Variants in GABRR1 observed in about 807,000 individuals in gnomAD.
The protein encoded by GABRR1 is gamma-aminobutyric acid receptor subunit rho-1.
A neutral mutation model predicts 55.5 loss-of-function variants in GABRR1; 59 were observed. That is an observed-to-expected ratio of 1.06 (90% CI 0.86 to 1.32). The LOEUF (loss-of-function observed/expected upper bound fraction) is 1.32. Ranked by LOEUF, GABRR1 falls within the 40% of genes most tolerant of loss-of-function variation. The pLI is 0.00. For synonymous variants in GABRR1, 213 were observed against 226.0 expected, an observed-to-expected ratio of 0.94 and a Z score of 0.51; for missense variants, 602 against 619.1, an observed-to-expected ratio of 0.97 and a Z score of 0.29.
upstream of GABRR1, chr6:89,217,896 G>A (rs1353601430): frequency 6.6e-6 from 1 of 152,370 alleles, no homozygotes; most frequent in Non-Finnish European, 1.5e-5. Flanking sequence ...AGATTGGGAG[G>A]GCAACTGGGG....
intron 7 of GABRR1, 106 bp from the exon 8 acceptor site, chr6:89,182,163 C>G (rs2127789422): frequency 9.6e-7 from 1 of 1,043,068 alleles, no homozygotes; most frequent in East Asian, 2.4e-5. Context: ...GGACTCTTAT[C>G]ATGTCTTTAT....
chr6:89,195,250 C>G (rs1772225537), intron 5 of GABRR1, among the ~76,000 whole-genome samples: 1 of 152,078 alleles, frequency 6.6e-6, no homozygotes, highest in Non-Finnish European at 1.5e-5. Context: ...TGCCTGAACT[C>G]AGGAGTTTGA....
intron 5 of GABRR1, among the ~76,000 whole-genome samples, chr6:89,191,839 T>C (rs1772098582): frequency 1.3e-5 from 2 of 152,070 alleles, no homozygotes; most frequent in South Asian, 4.2e-4. Context: ...AGCTTCAAAG[T>C]TCATTCAAAT....
In GABRR1 at chr6:89,178,664, G is replaced by A; in HGVS notation, c.*106C>T. ...CAGAAGGGATAGTGAAAACATGGGT[G>A]GGTCCTGGGATTTTTTTTTAACCAT... On this transcript the variant is annotated 3_prime_UTR_variant, in exon 10 of 10. Transcript: ENST00000454853. 6.5e-6 allele frequency: 6 copies of A among 919,812 alleles called. No homozygotes were observed. Among genetic ancestry groups the A allele is most frequent in the Non-Finnish European group, 9.8e-6 (6 of 613,934 alleles). 57.0% of individuals were successfully genotyped at this position (919,812 alleles called of 1,614,324 possible). A position where few individuals can be genotyped will look rare whatever the true frequency, so the allele number is the denominator to read the frequency against.
At chr6:89,225,275 T>C (rs1198135651) in intron 1 of GABRR1, among the ~76,000 whole-genome samples, 4 of 146,768 alleles carry the variant, frequency 2.7e-5, no homozygotes, top group African/African-American at 9.9e-5. Flanking sequence ...TTTTTTTTTT[T>C]AATTATACTT....
chr6:89,191,448 A>AT (rs1772084476), intron 5 of GABRR1, among the ~76,000 whole-genome samples: 1 of 152,234 alleles, frequency 6.6e-6, no homozygotes, highest in Admixed American at 6.5e-5. Context: ...CTTTAGAGAC[A>AT]TAGAATGCCC....
chr6:89,202,232 C>G (rs1772498216), intron 2 of GABRR1, among the ~76,000 whole-genome samples: 1 of 152,188 alleles, frequency 6.6e-6, no homozygotes, highest in Non-Finnish European at 1.5e-5. Flanking sequence ...GACTCAGCCT[C>G]CCACTTCTGC....
chr6:89,183,942 T>C (rs1215655933), intron 7 of GABRR1, among the ~76,000 whole-genome samples: 1 of 152,112 alleles, frequency 6.6e-6, no homozygotes, highest in East Asian at 1.9e-4. Flanking sequence ...ACAGATGTAC[T>C]AAAATCCTAG....
intron 5 of GABRR1, among the ~76,000 whole-genome samples, chr6:89,192,561 CTTCTTTTTTTT>C (rs997062168): frequency 6.8e-6 from 1 of 147,796 alleles, no homozygotes; most frequent in African/African-American, 2.5e-5. Flanking sequence ...TCTTCTTCTT[CTTCTTTTTTTT>C]TTTTTTTTTT....
chr6:89,187,458 A>G (rs1771941009), intron 6 of GABRR1, among the ~76,000 whole-genome samples: 1 of 152,154 alleles, frequency 6.6e-6, no homozygotes, highest in African/African-American at 2.4e-5. Context: ...TCTGTTGATA[A>G]TGTTTTGATG....
intron 5 of GABRR1, among the ~76,000 whole-genome samples, chr6:89,196,877 AAG>A (rs549771676): frequency 6.9e-6 from 1 of 144,686 alleles, no homozygotes; most frequent in African/African-American, 2.7e-5. Context: ...GAAAGAAAGA[AAG>A]AGAAGAGAAG....
intron 3 of GABRR1, among the ~76,000 whole-genome samples, chr6:89,199,670 T>G (rs1211124669): frequency 7.2e-5 from 11 of 152,214 alleles, no homozygotes. Context: ...TCTGAAGGTA[T>G]GATGAAGACC....
intron 1 of GABRR1, among the ~76,000 whole-genome samples, chr6:89,224,530 T>A (rs1246240980): frequency 6.6e-6 from 1 of 152,218 alleles, no homozygotes; most frequent in Non-Finnish European, 1.5e-5. Context: ...AATTTTTTTC[T>A]CCTGTAATTT....
At chr6:89,230,118 T>C in intron 1 of GABRR1, among the ~76,000 whole-genome samples, 1 of 120,784 alleles carries the variant, frequency 8.3e-6, no homozygotes, top group African/African-American at 3.2e-5. Context: ...CTCCATCAGC[T>C]CCTTTAAGCA....
chr6:89,198,928 G>A (rs1201706672), intron 4 of GABRR1, among the ~76,000 whole-genome samples: 1 of 151,982 alleles, frequency 6.6e-6, no homozygotes, highest in Non-Finnish European at 1.5e-5. Flanking sequence ...TGTAAGTCAA[G>A]GAGTTGGAGA....
intron 1 of GABRR1, among the ~76,000 whole-genome samples, chr6:89,225,517 T>G (rs1773186629): frequency 7.3e-6 from 1 of 137,830 alleles, no homozygotes. Flanking sequence ...ATGCGGTGTT[T>G]GGTTTTTTGT....
At chr6:89,225,157 G>C (rs992096209) in intron 1 of GABRR1, among the ~76,000 whole-genome samples, 3 of 152,026 alleles carry the variant, frequency 2.0e-5, no homozygotes, top group Non-Finnish European at 4.4e-5. Flanking sequence ...TATATAAGGT[G>C]AGTGATGAGA....
Position 89,179,037 on chromosome 6 carries a change from C to T in GABRR1, c.1173G>A (p.Pro391=), listed in dbSNP as rs370391229. The T allele has an allele frequency of 1.9e-4, 309 of 1,613,836 alleles. 1 individual carries two copies. The highest frequency in any genetic ancestry group is 2.5e-4 in the Non-Finnish European group (291 of 1,179,964). Residue 391 remains proline (P), a synonymous_variant, in exon 10 of 10, where the codon CCG becomes CCA. Transcript: ENST00000454853. ...EKLPCTSGLP[P]PRTAMLDGNY... ...TGCCGTCCAGCATCGCAGTGCGGGGCGGAGGTAATCCGCTGGTGCAGGGAA... is the reference window on the plus strand; with the variant it reads ...TGCCGTCCAGCATCGCAGTGCGGGGTGGAGGTAATCCGCTGGTGCAGGGAA...
At chr6:89,208,300 T>C (rs1046783637) in intron 1 of GABRR1, among the ~76,000 whole-genome samples, 1 of 152,248 alleles carries the variant, frequency 6.6e-6, no homozygotes, top group Admixed American at 6.5e-5. Context: ...GCATTTTGTA[T>C]TTTTCCTTGG....
Sources: allele counts gnomAD v4.1 joint callset (sites outside exome capture counted in the v4.1 genomes callset), GRCh38; gene constraint gnomAD v4.1.1; transcripts MANE v1.5; gene names NCBI Gene and HGNC (gene_info 2026-07-23, HGNC 2026-07-21).